The following MYOM1 variants were observed in gnomAD, a reference collection of about 807,000 sequenced individuals.
The protein encoded by MYOM1 is myomesin 1.
In MYOM1, 164 loss-of-function variants were observed where a neutral mutation model predicts 205.3. The ratio of observed to expected loss-of-function variants is 0.80; its 90% CI spans 0.70 to 0.91. MYOM1 has a LOEUF of 0.91. Among genes scored for constraint, MYOM1 ranks in the 40% least tolerant of loss-of-function variants. The pLI, the probability that MYOM1 is intolerant of heterozygous loss-of-function variation, is 0.00. For missense variants in MYOM1, 2,011 were observed against 2,127.3 expected (o/e 0.95, Z 1.08); for synonymous variants, 772 against 789.4 (o/e 0.98, Z 0.37).
intron 26 of MYOM1, among the ~76,000 whole-genome samples, chr18:3,093,219 A>G (rs1158110084): frequency 6.6e-6 from 1 of 152,150 alleles, no homozygotes; most frequent in Non-Finnish European, 1.5e-5. Context: ...CTCAGTGAAA[A>G]GGGAAAGGGT....
At chr18:3,149,644 C>A (rs1248001858) in intron 12 of MYOM1, among the ~76,000 whole-genome samples, 1 of 151,998 alleles carries the variant, frequency 6.6e-6, no homozygotes, top group African/African-American at 2.4e-5. Flanking sequence ...GCCGATCCTG[C>A]GGTAAAGCTC....
intron 9 of MYOM1, among the ~76,000 whole-genome samples, chr18:3,167,427 A>G (rs1379489075): frequency 6.6e-6 from 1 of 152,220 alleles, no homozygotes; most frequent in Admixed American, 6.5e-5. Flanking sequence ...TCTATAGCCC[A>G]GGCTGGAGTG....
rs372359086 is a variant in MYOM1, at chr18:3,174,222, C to T, written c.1023-14G>A. ...TCAAAATCACATCTGAAAGAACAGACGGAAATGAATATCCATCGTAGTGAC... is the reference window on the plus strand; with the variant it reads ...TCAAAATCACATCTGAAAGAACAGATGGAAATGAATATCCATCGTAGTGAC... On this transcript the variant is annotated splice_polypyrimidine_tract_variant and intron_variant, in intron 6 of 37. Transcript: ENST00000356443. The T allele has an allele frequency of 7.8e-4, 1,260 of 1,605,932 alleles. 20 individuals are homozygous for T. The South Asian group carries it at 8.7e-3, about 11-fold the overall frequency.
In MYOM1 at chr18:3,134,397, GTTTTC is replaced by G. The variant is rs201860252; in HGVS notation, c.2384+248_2384+252del. 0.024 allele frequency among the ~76,000 whole-genome samples: 3,430 copies of G among 144,076 alleles called. 46 individuals are homozygous for G. Among genetic ancestry groups the G allele is most frequent in the Non-Finnish European group, 0.035 (2,355 of 66,680 alleles). The allele number at this position is 144,076 out of a possible 152,430, so 94.5% of individuals were successfully genotyped here. ...TGCCTTGGCTTATTTAAAGTATAAT[GTTTTC>G]TTGTTTTTTTTTTCAGTTTGTAAAG... On this transcript the variant is annotated intron_variant, in intron 16 of 37. Coordinates refer to ENST00000356443, the MANE Select transcript of MYOM1 (RefSeq NM_003803.4).
chr18:3,225,751 T>C, the MYOM1 span, among the ~76,000 whole-genome samples: 1 of 152,138 alleles, frequency 6.6e-6, no homozygotes, highest in African/African-American at 2.4e-5. Context: ...ACCATGGTTA[T>C]GCTGATCCAC....
the MYOM1 span, among the ~76,000 whole-genome samples, chr18:3,234,492 T>C: frequency 2.6e-5 from 4 of 152,194 alleles, no homozygotes; most frequent in Non-Finnish European, 5.9e-5. Context: ...CCTAGTTAAT[T>C]ATCCACCTCA....
chr18:3,120,347 T>C (rs935862811), intron 19 of MYOM1, among the ~76,000 whole-genome samples: 3 of 152,236 alleles, frequency 2.0e-5, no homozygotes, highest in Non-Finnish European at 4.4e-5. Flanking sequence ...ACTCTTACAA[T>C]GGGGTTCGGG....
chr18:3,206,770 GAA>G (rs1260971298), intron 2 of MYOM1, among the ~76,000 whole-genome samples: 1 of 152,098 alleles, frequency 6.6e-6, no homozygotes, highest in Non-Finnish European at 1.5e-5. Flanking sequence ...GTAGAAAGCT[GAA>G]GAGTCCTCTT....
At chr18:3,170,714 C>T (rs1352095464) in intron 8 of MYOM1, among the ~76,000 whole-genome samples, 2 of 152,174 alleles carry the variant, frequency 1.3e-5, no homozygotes, top group Non-Finnish European at 2.9e-5. Context: ...GACACTTTCA[C>T]ATTTGACATA....
chr18:3,162,143 T>C (rs2080400184), intron 10 of MYOM1, among the ~76,000 whole-genome samples: 1 of 152,242 alleles, frequency 6.6e-6, no homozygotes, highest in African/African-American at 2.4e-5. Flanking sequence ...CTCTATATTA[T>C]GATGCTTTAA....
chr18:3,204,038 C>T (rs1340597425), intron 2 of MYOM1, among the ~76,000 whole-genome samples: 3 of 151,850 alleles, frequency 2.0e-5, no homozygotes, highest in Non-Finnish European at 4.4e-5. Flanking sequence ...GCAGAAAAAG[C>T]ATTTGACAAA....
intron 2 of MYOM1, among the ~76,000 whole-genome samples, chr18:3,213,080 G>A (rs566032992): frequency 6.6e-6 from 1 of 152,286 alleles, no homozygotes; most frequent in East Asian, 1.9e-4. Flanking sequence ...GCTCCCAGGA[G>A]GCCACCATCA....
the MYOM1 span, among the ~76,000 whole-genome samples, chr18:3,226,145 G>A: frequency 6.6e-6 from 1 of 152,154 alleles, no homozygotes; most frequent in African/African-American, 2.4e-5. The surrounding 1 kb of genome is among the most constrained non-coding windows in gnomAD (Gnocchi z 4.6). Context: ...TACATTATGT[G>A]GCATTTGCTG....
intron 18 of MYOM1, among the ~76,000 whole-genome samples, chr18:3,127,297 ATATATATATTTTTTT>A (rs1208696004): frequency 4.0e-5 from 2 of 49,728 alleles, no homozygotes; most frequent in African/African-American, 1.6e-4. Context: ...ATATATATAT[ATATATATATTTTTTT>A]TTTTTTTTTT....
At chr18:3,244,051 C>T in the MYOM1 span, among the ~76,000 whole-genome samples, 3 of 152,172 alleles carry the variant, frequency 2.0e-5, no homozygotes, top group Non-Finnish European at 4.4e-5. Flanking sequence ...GTTTTCTCAA[C>T]CTAAGCACTA....
rs761342329 is a variant in MYOM1 at position 3,112,324 on chromosome 18, C to T, written c.3392G>A (p.Gly1131Asp). The T allele has an allele frequency of 3.7e-6, 6 of 1,612,710 alleles. No individual in the cohort carries two copies. Among genetic ancestry groups the T allele is most frequent in the Non-Finnish European group, 5.1e-6 (6 of 1,179,068 alleles). Residue 1131 changes from glycine to aspartate, a missense_variant, in exon 22 of 38, where the codon GGC becomes GAC. Transcript: ENST00000356443. ...TGGACGGGTCTCTGCCACAACAGGGCCAGCAAGGTCAGATGGCTTCCCAAC... is the reference window on the plus strand; with the variant it reads ...TGGACGGGTCTCTGCCACAACAGGGTCAGCAAGGTCAGATGGCTTCCCAAC... ...AGVGKPSDLA[G>D]PVVAETRPGT...
rs763165458 is a variant in MYOM1 at position 3,187,510 on chromosome 18, A to G, written c.899T>C (p.Ile300Thr). 3 of 1,613,976 alleles carry G rather than the reference A, an allele frequency of 1.9e-6. No individual in the cohort carries two copies. Among genetic ancestry groups the G allele is most frequent in the East Asian group, 2.2e-5 (1 of 44,880 alleles). Residue 300 changes from isoleucine to threonine, a missense_variant, in exon 5 of 38, where the codon ATA (isoleucine) becomes ACA (threonine). Transcript: ENST00000356443. ...EKENVKLHCS[I>T]AGWPEPRVTW... is the part of the protein sequence containing the mutation. Reference sequence around the variant, plus strand: ...GACACGAGGTTCTGGCCAGCCTGCTATGGAGCAATGCAATTTTACATTCTC... The same window carrying G: ...GACACGAGGTTCTGGCCAGCCTGCTGTGGAGCAATGCAATTTTACATTCTC...
intron 8 of MYOM1, 100 bp downstream of exon 8, chr18:3,173,838 A>G: frequency 9.6e-7 from 1 of 1,044,744 alleles, no homozygotes. Context: ...AGCATATACT[A>G]TGTTATATAT....
chr18:3,068,926 C>T (rs761930011), intron 37 of MYOM1, among the ~76,000 whole-genome samples: 116 of 151,790 alleles, frequency 7.6e-4, no homozygotes, highest in Admixed American at 3.7e-3. Context: ...TTCATTTTTT[C>T]TTTATTTTTT....
Sources: gnomAD v4.1 joint callset for allele counts (sites outside exome capture counted in the v4.1 genomes callset) on GRCh38, gnomAD v4.1.1 for gene constraint, Gnocchi (gnomAD v3.1) non-coding constraint, MANE v1.5 for transcripts, NCBI Gene and HGNC (gene_info 2026-07-23, HGNC 2026-07-21) for gene names.